The following LRRC4C variants were observed in gnomAD, a reference collection of about 807,000 sequenced individuals.
The protein encoded by LRRC4C is leucine-rich repeat-containing protein 4C.
In LRRC4C, 5 loss-of-function variants were observed where a neutral mutation model predicts 33.6. The ratio of observed to expected loss-of-function variants is 0.15; its 90% confidence interval spans 0.08 to 0.31. The LOEUF (loss-of-function observed/expected upper bound fraction) is 0.31. Ranked by LOEUF, LRRC4C falls within the 10% of genes least tolerant of loss-of-function variation. LRRC4C has a pLI of 1.00. For synonymous variants in LRRC4C, 329 were observed against 302.0 expected, an observed-to-expected ratio of 1.09 and a Z score of -0.93; for missense variants, 560 against 796.7, an observed-to-expected ratio of 0.70 and a Z score of 3.58.
chr11:40,308,144 C>T (rs746006752), intron 4 of LRRC4C, among the ~76,000 whole-genome samples: 1 of 152,188 alleles, frequency 6.6e-6, no homozygotes, highest in African/African-American at 2.4e-5. Context: ...TGATACTGAA[C>T]CTTTTTTCCC....
At chr11:41,361,164 G>A (rs1020131744) in intron 1 of LRRC4C, among the ~76,000 whole-genome samples, 1 of 152,128 alleles carries the variant, frequency 6.6e-6, no homozygotes, top group African/African-American at 2.4e-5. Context: ...TTCATTTCAC[G>A]AATACGATGA....
At chr11:40,187,771 C>T (rs78451474) in intron 5 of LRRC4C, among the ~76,000 whole-genome samples, 251 of 152,252 alleles carry the variant, frequency 1.6e-3, no homozygotes, top group African/African-American at 5.8e-3. Flanking sequence ...TTCCAAATGA[C>T]TTTCATAGAT....
At chr11:40,689,805 T>C (rs1471675139) in intron 2 of LRRC4C, among the ~76,000 whole-genome samples, 1 of 152,158 alleles carries the variant, frequency 6.6e-6, no homozygotes, top group African/African-American at 2.4e-5. Context: ...TGATTACTAA[T>C]ATACATTCTA....
intron 2 of LRRC4C, among the ~76,000 whole-genome samples, chr11:40,701,880 T>C (rs1945878111): frequency 6.6e-6 from 1 of 151,872 alleles, no homozygotes; most frequent in Non-Finnish European, 1.5e-5. Flanking sequence ...TTCTGGAAAA[T>C]GTGCTACATG....
intron 3 of LRRC4C, among the ~76,000 whole-genome samples, chr11:40,582,915 G>T (rs1317653158): frequency 1.3e-5 from 2 of 152,188 alleles, no homozygotes; most frequent in African/African-American, 4.8e-5. Context: ...GATTCAATCA[G>T]GGTATTTAGA....
chr11:41,044,859 T>A (rs925000974), intron 1 of LRRC4C, among the ~76,000 whole-genome samples: 2 of 152,114 alleles, frequency 1.3e-5, no homozygotes, highest in East Asian at 3.9e-4. Flanking sequence ...CTCTAAAATA[T>A]CCTCACTGTA....
At chr11:40,313,608 T>C (rs1342906680) in intron 4 of LRRC4C, among the ~76,000 whole-genome samples, 3 of 86,824 alleles carry the variant, frequency 3.5e-5, no homozygotes, top group African/African-American at 1.0e-4. Context: ...TCTTTTTTTT[T>C]TTTTTTTTTT....
intron 1 of LRRC4C, among the ~76,000 whole-genome samples, chr11:41,281,253 A>G (rs553613324): frequency 3.3e-5 from 5 of 152,146 alleles, no homozygotes; most frequent in Admixed American, 6.6e-5. Context: ...TCCTTCTCTG[A>G]GTCATCAGGT....
intron 1 of LRRC4C, among the ~76,000 whole-genome samples, chr11:41,247,571 C>G (rs1948494408): frequency 6.6e-6 from 1 of 152,030 alleles, no homozygotes; most frequent in Non-Finnish European, 1.5e-5. Flanking sequence ...CTTAAATGGC[C>G]AAATTATCTT....
In LRRC4C at chr11:40,934,736, A is replaced by T. The variant is rs115496673; in HGVS notation, c.-495-1013T>A. 2.0e-3 allele frequency among the ~76,000 whole-genome samples: 304 copies of T among 152,220 alleles called. 1 individual carries two copies. The highest frequency in any genetic ancestry group is 7.2e-3 in the African/African-American group (298 of 41,546). Reference sequence around the variant, plus strand: ...CCTATTTCCTAGTAGACTAACTCCCATCAAGGTCTAATCCAGGTTTATGAC... The same window carrying T: ...CCTATTTCCTAGTAGACTAACTCCCTTCAAGGTCTAATCCAGGTTTATGAC... On this transcript the variant is annotated intron_variant, in intron 1 of 6. Transcript: ENST00000528697.
At chr11:41,117,928 G>C (rs1178761448) in intron 1 of LRRC4C, among the ~76,000 whole-genome samples, 1 of 152,102 alleles carries the variant, frequency 6.6e-6, no homozygotes, top group Non-Finnish European at 1.5e-5. Context: ...AATAGTGAAA[G>C]ATATTGATAA....
intron 1 of LRRC4C, among the ~76,000 whole-genome samples, chr11:41,227,532 T>A (rs762809157): frequency 6.6e-6 from 1 of 152,096 alleles, no homozygotes; most frequent in Non-Finnish European, 1.5e-5. Flanking sequence ...AGAGACAGGG[T>A]CTTGCTCTGT....
intron 1 of LRRC4C, among the ~76,000 whole-genome samples, chr11:41,326,205 T>C (rs1210076889): frequency 6.6e-6 from 1 of 152,068 alleles, no homozygotes; most frequent in Admixed American, 6.5e-5. Flanking sequence ...CTGATTTGCT[T>C]TCAGAAAGTC....
At chr11:41,119,720 T>A (rs1490454053) in intron 1 of LRRC4C, among the ~76,000 whole-genome samples, 1 of 152,214 alleles carries the variant, frequency 6.6e-6, no homozygotes, top group African/African-American at 2.4e-5. Flanking sequence ...ATGAAATATG[T>A]GTTTCCTGTG....
At chr11:41,242,988 A>T (rs1447436721) in intron 1 of LRRC4C, among the ~76,000 whole-genome samples, 1 of 152,214 alleles carries the variant, frequency 6.6e-6, no homozygotes, top group Non-Finnish European at 1.5e-5. Flanking sequence ...TAAAGGAAAA[A>T]AATTCTATCC....
At chr11:40,640,515 T>A (rs188596352) in intron 3 of LRRC4C, among the ~76,000 whole-genome samples, 55 of 151,766 alleles carry the variant, frequency 3.6e-4, no homozygotes, top group East Asian at 3.5e-3. Flanking sequence ...TTCTATATAT[T>A]TTTTTTTAAA....
chr11:40,199,901 A>G (rs7106045), intron 5 of LRRC4C, among the ~76,000 whole-genome samples: 144,349 of 152,094 alleles, frequency 0.95, 68,898 homozygotes, highest in Non-Finnish European at 1. Flanking sequence ...GTTATGTTCC[A>G]CGAGATGAGA....
intron 1 of LRRC4C, among the ~76,000 whole-genome samples, chr11:41,236,339 T>C (rs756079403): frequency 1.1e-4 from 16 of 152,066 alleles, no homozygotes; most frequent in Non-Finnish European, 2.2e-4. Context: ...AATCCTTAAA[T>C]CTCTGTTTCT....
rs1952760517 is a variant in LRRC4C at position 41,371,890 on chromosome 11, C to G, written c.-496+87541G>C. 1.3e-5 allele frequency among the ~76,000 whole-genome samples: 2 copies of G among 152,332 alleles called. 1 individual carries two copies. Among genetic ancestry groups the G allele is most frequent in the Middle Eastern group, 6.8e-3 (2 of 294 alleles). On this transcript the variant is annotated intron_variant, in intron 1 of 6. Coordinates refer to ENST00000528697, the MANE Select transcript of LRRC4C (RefSeq NM_001258419.2). ...GTGGCTCATGCCTGTGATCCCAGCACTCTGGGAGGCCAAGGGAGGCGGATC... is the reference window on the plus strand; with the variant it reads ...GTGGCTCATGCCTGTGATCCCAGCAGTCTGGGAGGCCAAGGGAGGCGGATC...
Sources: gnomAD v4.1 joint callset for allele counts (sites outside exome capture counted in the v4.1 genomes callset) on GRCh38, gnomAD v4.1.1 for gene constraint, MANE v1.5 for transcripts, NCBI Gene and HGNC (gene_info 2026-07-23, HGNC 2026-07-21) for gene names.